The following GTF2E2 variants were observed in gnomAD, a reference collection of about 807,000 sequenced individuals.
GTF2E2 encodes general transcription factor IIE subunit 2.
GTF2E2 carries 21 observed loss-of-function variants against 40.5 expected under a neutral mutation model. The observed-to-expected ratio is 0.52, with a 90% CI of 0.37 to 0.75. The LOEUF is 0.75. Ranked by LOEUF, GTF2E2 falls within the 30% of genes least tolerant of loss-of-function variation. The pLI, the probability that GTF2E2 is intolerant of heterozygous loss-of-function variation, is 0.00. For missense variants in GTF2E2, 298 were observed against 338.4 expected (o/e 0.88, Z 0.94); for synonymous variants, 117 against 121.6 (o/e 0.96, Z 0.25).
intron 6 of GTF2E2, among the ~76,000 whole-genome samples, chr8:30,605,246 G>A (rs1585955810): frequency 6.6e-6 from 1 of 152,040 alleles, no homozygotes; most frequent in Non-Finnish European, 1.5e-5. Flanking sequence ...TTTGTTGAAG[G>A]CATCAAAGTA....
intron 6 of GTF2E2, among the ~76,000 whole-genome samples, chr8:30,592,198 C>A (rs1828869271): frequency 6.6e-6 from 1 of 152,012 alleles, no homozygotes; most frequent in South Asian, 2.1e-4. Context: ...GGCAACACTG[C>A]AAAATCCCAT....
chr8:30,591,590 A>G lies in GTF2E2; in HGVS notation c.644-11194T>C, dbSNP rs1180395071. On this transcript the variant is annotated intron_variant, in intron 6 of 7. Transcript: ENST00000355904. ...CATTAGGGAAATGCAAATCAAAATC[A>G]CAGTAACACTTCACATCCACCAGAA... 3.3e-5 allele frequency among the ~76,000 whole-genome samples: 5 copies of G among 152,370 alleles called. No individual in the cohort carries two copies. The East Asian group carries it at 9.6e-4, about 29-fold the overall frequency.
At chr8:30,607,866 G>A (rs1011330645) in intron 5 of GTF2E2, among the ~76,000 whole-genome samples, 1 of 151,888 alleles carries the variant, frequency 6.6e-6, no homozygotes, top group Non-Finnish European at 1.5e-5. Context: ...CTTTTAAAAC[G>A]CTAAAATAAT....
chr8:30,624,862 T>C (rs888407555), intron 3 of GTF2E2, among the ~76,000 whole-genome samples: 1 of 152,042 alleles, frequency 6.6e-6, no homozygotes, highest in African/African-American at 2.4e-5. Context: ...TGATTTTGTA[T>C]CCTGAGACTT....
chr8:30,585,126 C>G (rs191153291), intron 6 of GTF2E2: 13 of 152,536 alleles, frequency 8.5e-5, no homozygotes, highest in Admixed American at 2.6e-4. Context: ...GCAGAGGTTG[C>G]GGTGAGCCGA....
In GTF2E2 at chr8:30,580,222, G is replaced by A. The variant is rs1007869800; in HGVS notation, c.759+59C>T. 56 of 923,748 alleles carry A rather than the reference G, an allele frequency of 6.1e-5. 1 individual carries two copies. The highest frequency in any genetic ancestry group is 2.3e-4 in the South Asian group (17 of 73,030). The allele number at this position is 923,748 out of a possible 1,614,324, so 57.2% of individuals were successfully genotyped here. Reference sequence around the variant, plus strand: ...CCCAGCTCTTCAGAGGGCAGAAAGCGGAGCAGGCTAACAGTTCCCAGGGCA... The same window carrying A: ...CCCAGCTCTTCAGAGGGCAGAAAGCAGAGCAGGCTAACAGTTCCCAGGGCA... On this transcript the variant is annotated intron_variant, in intron 7 of 7. Coordinates refer to ENST00000355904, the MANE Select transcript of GTF2E2 (RefSeq NM_002095.6).
intron 6 of GTF2E2, among the ~76,000 whole-genome samples, chr8:30,603,923 A>G (rs1829251190): frequency 6.6e-6 from 1 of 152,180 alleles, no homozygotes; most frequent in South Asian, 2.1e-4. Flanking sequence ...ACACTATTAA[A>G]TTTGAAATTT....
chr8:30,603,871 A>C (rs1354950201), intron 6 of GTF2E2, among the ~76,000 whole-genome samples: 1 of 152,146 alleles, frequency 6.6e-6, no homozygotes, highest in Non-Finnish European at 1.5e-5. Flanking sequence ...AGAAAATAAC[A>C]GTGAGAAAAT....
At chr8:30,645,815 CTGTT>C (rs1312775103) in intron 2 of GTF2E2, 2 of 467,878 alleles carry the variant, frequency 4.3e-6, no homozygotes, top group Non-Finnish European at 7.5e-6. Flanking sequence ...ATTTACTAAT[CTGTT>C]TAATACTGAC....
chr8:30,603,361 T>A (rs1666261644), intron 6 of GTF2E2, among the ~76,000 whole-genome samples: 1 of 152,018 alleles, frequency 6.6e-6, no homozygotes, highest in Admixed American at 6.6e-5. Context: ...CAGAACTGAT[T>A]CAAAAGTTAA....
chr8:30,587,063 A>G (rs1211660813), intron 6 of GTF2E2, among the ~76,000 whole-genome samples: 1 of 152,194 alleles, frequency 6.6e-6, no homozygotes, highest in Non-Finnish European at 1.5e-5. Context: ...TGAAGAGACA[A>G]CCTACAAACT....
At chr8:30,593,413 T>C (rs1828904768) in intron 6 of GTF2E2, among the ~76,000 whole-genome samples, 1 of 152,240 alleles carries the variant, frequency 6.6e-6, no homozygotes, top group Non-Finnish European at 1.5e-5. Context: ...AATTCATGTA[T>C]TTGGAAGGCC....
chr8:30,643,333 G>C (rs1245087118), intron 2 of GTF2E2: 1 of 152,042 alleles, frequency 6.6e-6, no homozygotes. Flanking sequence ...AGGTAGAGAT[G>C]GGCCAAGAGT....
intron 4 of GTF2E2, among the ~76,000 whole-genome samples, chr8:30,613,386 T>C (rs188766159): frequency 3.7e-4 from 57 of 152,374 alleles, no homozygotes; most frequent in Admixed American, 3.7e-3. Context: ...AATATAATTA[T>C]GTTTCTAGTC....
At chr8:30,600,432 A>G (rs1829144723) in intron 6 of GTF2E2, among the ~76,000 whole-genome samples, 1 of 152,192 alleles carries the variant, frequency 6.6e-6, no homozygotes, top group Non-Finnish European at 1.5e-5. Flanking sequence ...AAGCACTTTT[A>G]TTTATATTCA....
intron 3 of GTF2E2, among the ~76,000 whole-genome samples, chr8:30,615,042 C>T (rs1026215036): frequency 6.6e-6 from 1 of 151,714 alleles, no homozygotes; most frequent in African/African-American, 2.4e-5. Context: ...CTCTGGGGGA[C>T]TAAGGCAGGT....
chr8:30,608,891 G>C (rs1375463850), intron 5 of GTF2E2, among the ~76,000 whole-genome samples: 10 of 152,220 alleles, frequency 6.6e-5, no homozygotes, highest in Admixed American at 6.5e-4. Context: ...TGGGACTACA[G>C]GTGCCCGCCA....
intron 3 of GTF2E2, among the ~76,000 whole-genome samples, chr8:30,632,765 C>G (rs1053350361): frequency 6.6e-6 from 1 of 152,112 alleles, no homozygotes; most frequent in African/African-American, 2.4e-5. Context: ...GGTTTCCATT[C>G]TTTTGCTTTC....
rs550184613 is a variant in GTF2E2, at chr8:30,650,652, CGCCAGCAGTGAGCCATGATCAT to C, written c.166+2759_166+2780del. Among the ~76,000 whole-genome samples the C allele has an allele frequency of 7.0e-3, 1,071 of 152,046 alleles. 9 individuals carry two copies. The highest frequency in any genetic ancestry group is 0.023 in the African/African-American group (942 of 41,460). On this transcript the variant is annotated intron_variant, in intron 2 of 7. Coordinates refer to ENST00000355904, the MANE Select transcript of GTF2E2 (RefSeq NM_002095.6). ...TCGAGGCTGCAGTGAGCCATGATCA[CGCCAGCAGTGAGCCATGATCAT>C]GCCCGTACTCCAGCCTGGGCAACAG...
Sources: allele counts gnomAD v4.1 joint callset (sites outside exome capture counted in the v4.1 genomes callset), GRCh38; gene constraint gnomAD v4.1.1; transcripts MANE v1.5; gene names NCBI Gene and HGNC (gene_info 2026-07-23, HGNC 2026-07-21).